The following RUVBL1 variants were observed in gnomAD, a reference collection of about 807,000 sequenced individuals.
RUVBL1 encodes the protein ruvB-like 1.
In RUVBL1, 4 loss-of-function variants were observed where a neutral mutation model predicts 52.4. The observed-to-expected ratio is 0.08, with a 90% CI of 0.04 to 0.17. The LOEUF (loss-of-function observed/expected upper bound fraction) is 0.17. Ranked by LOEUF, RUVBL1 falls within the 10% of genes least tolerant of loss-of-function variation. The pLI is 1.00. For synonymous variants in RUVBL1, 217 were observed against 214.4 expected (o/e 1.01, Z -0.10); for missense variants, 298 against 572.8 (o/e 0.52, Z 4.90).
Position 128,066,492 on chromosome 3 carries a change from G to A in RUVBL1, c.940-1272C>T, listed in dbSNP as rs376396975. On this transcript the variant is annotated intron_variant, in intron 9 of 9. Transcript: ENST00000464873. ...GGCTGGAATGCAGTGGCATGATCTC[G>A]GCTCACTGCAGCCTAGACCTCCCAG... 1.6e-3 allele frequency: 252 copies of A among 161,268 alleles called. 9 individuals are homozygous for A. The South Asian group carries it at 0.045, about 29-fold the overall frequency. The allele number at this position is 161,268 out of a possible 1,614,324, so 10.0% of individuals were successfully genotyped here. A position where few individuals can be genotyped will look rare whatever the true frequency, so the allele number is the denominator to read the frequency against.
intron 8 of RUVBL1, among the ~76,000 whole-genome samples, chr3:128,088,493 C>T (rs575570065): frequency 6.7e-6 from 1 of 148,464 alleles, no homozygotes; most frequent in African/African-American, 2.5e-5. Flanking sequence ...ACTAATTATG[C>T]CCTATAGTAT....
At position 128,081,122 on chromosome 3, in the gene RUVBL1, G is replaced by A; in HGVS notation, c.*128C>T. On this transcript the variant is annotated 3_prime_UTR_variant, in exon 11 of 11. Transcript: ENST00000322623. The surrounding 1 kb of genome is among the most constrained non-coding windows in gnomAD (Gnocchi z 4.8). ...CTTAAAAAGAAATGCTTTCCACACTGAACTGACAGCGCTGCAGACCACGCC... is the reference window on the plus strand; with the variant it reads ...CTTAAAAAGAAATGCTTTCCACACTAAACTGACAGCGCTGCAGACCACGCC... 1.2e-6 allele frequency: 1 copy of A among 860,566 alleles called. No homozygotes were observed. The highest frequency in any genetic ancestry group is 1.8e-6 in the Non-Finnish European group (1 of 557,944). The allele number at this position is 860,566 out of a possible 1,614,324, so 53.3% of individuals were successfully genotyped here.
At chr3:128,094,838 T>C (rs536212907) in intron 8 of RUVBL1, among the ~76,000 whole-genome samples, 1 of 152,332 alleles carries the variant, frequency 6.6e-6, no homozygotes, top group African/African-American at 2.4e-5. Context: ...GTGGAGTCTG[T>C]GGGAAGCATA....
intron 1 of RUVBL1, among the ~76,000 whole-genome samples, chr3:128,145,473 G>A (rs754985416): frequency 2.5e-4 from 38 of 152,338 alleles, no homozygotes; most frequent in Non-Finnish European, 4.7e-4. Context: ...ATGACATGGA[G>A]GTAGCCAATC....
intron 1 of RUVBL1, among the ~76,000 whole-genome samples, chr3:128,130,817 T>C (rs930046587): frequency 6.6e-6 from 1 of 151,618 alleles, no homozygotes; most frequent in Non-Finnish European, 1.5e-5. Flanking sequence ...CGCCTGGCTA[T>C]TTTTTTGTAT....
In RUVBL1 at chr3:128,123,798, C is replaced by T. The variant is rs1181615120; in HGVS notation, c.-74G>A. The T allele has an allele frequency of 6.7e-7, 1 of 1,494,692 alleles. No individual in the cohort carries two copies. The highest frequency in any genetic ancestry group is 9.0e-7 in the Non-Finnish European group (1 of 1,114,094). 92.6% of individuals were successfully genotyped at this position (1,494,692 alleles called of 1,614,324 possible). A position where few individuals can be genotyped will look rare whatever the true frequency, so the allele number is the denominator to read the frequency against. ...ACAGTGCGCCCGGCGCCTGAGTTACCATGCGGCCGTTACTAGGGCAATTTG... is the reference window on the plus strand; with the variant it reads ...ACAGTGCGCCCGGCGCCTGAGTTACTATGCGGCCGTTACTAGGGCAATTTG... On this transcript the variant is annotated 5_prime_UTR_variant, in exon 1 of 11. An upstream start codon of the reference 5' UTR is lost. Coordinates refer to ENST00000322623, the MANE Select transcript of RUVBL1 (RefSeq NM_003707.3).
At chr3:128,069,813 T>C in intron 9 of RUVBL1, 2 of 731,186 alleles carry the variant, frequency 2.7e-6, no homozygotes, top group Non-Finnish European at 2.2e-6. Context: ...TGCTAGACAT[T>C]TTCCAATTTA....
At chr3:128,105,057 A>T (rs1943192045) in intron 3 of RUVBL1, 133 bp from the exon 4 acceptor site, 1 of 873,590 alleles carries the variant, frequency 1.1e-6, no homozygotes, top group East Asian at 2.6e-5. Flanking sequence ...CATGATGGGT[A>T]AAAAGGCAAT....
exon 10 of RUVBL1, chr3:128,064,928 G>A (rs767658338): frequency 1.2e-6 from 2 of 1,613,998 alleles, no homozygotes; most frequent in Non-Finnish European, 1.7e-6. Context: ...CTGGCCACAC[G>A]CACAGACAAG....
chr3:128,096,835 A>C (rs1942988918), intron 8 of RUVBL1, among the ~76,000 whole-genome samples: 3 of 152,118 alleles, frequency 2.0e-5, no homozygotes, highest in African/African-American at 7.2e-5. Flanking sequence ...CCCAAAAAAA[A>C]AAAGAAAGAA....
intron 9 of RUVBL1, chr3:128,068,200 ATAT>A: frequency 1.5e-6 from 1 of 648,856 alleles, no homozygotes; most frequent in South Asian, 1.8e-5. Flanking sequence ...TAAATGTTAT[ATAT>A]TTATAAACTT....
At chr3:128,128,002 T>C (rs75881450), upstream of RUVBL1, among the ~76,000 whole-genome samples, 1 of 142,390 alleles carries the variant, frequency 7.0e-6, no homozygotes, top group African/African-American at 2.6e-5. Flanking sequence ...GTCTCAAAAA[T>C]AATAAATACA....
chr3:128,097,611 A>G, intron 7 of RUVBL1, 113 bp from the exon 8 acceptor site: 1 of 883,930 alleles, frequency 1.1e-6, no homozygotes, highest in Non-Finnish European at 1.8e-6. Context: ...TAGTTTTCCT[A>G]CTAGCTATGT....
upstream of RUVBL1, among the ~76,000 whole-genome samples, chr3:128,127,684 C>A (rs984194655): frequency 1.3e-5 from 2 of 152,214 alleles, no homozygotes; most frequent in Non-Finnish European, 1.5e-5. Flanking sequence ...TCAACTGGAG[C>A]AACCCAAGTA....
At chr3:128,101,141 C>T (rs1404019246) in intron 5 of RUVBL1, among the ~76,000 whole-genome samples, 2 of 152,088 alleles carry the variant, frequency 1.3e-5, no homozygotes, top group Non-Finnish European at 2.9e-5. Context: ...TGTACAGGAC[C>T]CTGAAAATCA....
chr3:128,137,472 C>T (rs1282456191), intron 1 of RUVBL1, among the ~76,000 whole-genome samples: 1 of 152,108 alleles, frequency 6.6e-6, no homozygotes, highest in East Asian at 1.9e-4. Flanking sequence ...CATATACAAC[C>T]TGCCAAGATT....
At chr3:128,069,587 A>C in intron 9 of RUVBL1, 1 of 1,614,106 alleles carries the variant, frequency 6.2e-7, no homozygotes, top group Non-Finnish European at 8.5e-7. Flanking sequence ...TCGCAGTCAC[A>C]ATCATCTACC....
chr3:128,105,865 C>CTTTTTTTTTTTTTTTTTTTTT (rs11311563), intron 3 of RUVBL1, among the ~76,000 whole-genome samples: 2 of 88,910 alleles, frequency 2.2e-5, no homozygotes, highest in Non-Finnish European at 4.3e-5. Flanking sequence ...TTCCCTTTTT[C>CTTTTTTTTTTTTTTTTTTTTT]TTTTTTTTTT....
chr3:128,075,491 A>C (rs1942287407), intron 9 of RUVBL1, among the ~76,000 whole-genome samples: 1 of 152,152 alleles, frequency 6.6e-6, no homozygotes, highest in Non-Finnish European at 1.5e-5. Context: ...TTTTTAATTG[A>C]AAGCCCAACT....
Sources: gnomAD v4.1 joint callset for allele counts (sites outside exome capture counted in the v4.1 genomes callset) on GRCh38, gnomAD v4.1.1 for gene constraint, Gnocchi (gnomAD v3.1) non-coding constraint, MANE v1.5 for transcripts, NCBI Gene and HGNC (gene_info 2026-07-23, HGNC 2026-07-21) for gene names.